Variants in DTX2 observed in about 807,000 individuals in gnomAD.
The protein encoded by DTX2 is deltex E3 ubiquitin ligase 2, also known as probable E3 ubiquitin-protein ligase DTX2.
A neutral mutation model predicts 55.3 loss-of-function variants in DTX2; 29 were observed. The ratio of observed to expected loss-of-function variants is 0.52; its 90% CI spans 0.39 to 0.71. DTX2 has a LOEUF of 0.71. Among genes scored for constraint, DTX2 ranks in the 30% least tolerant of loss-of-function variants. The pLI is 0.00. For missense variants in DTX2, 537 were observed against 822.5 expected (o/e 0.65, Z 4.25); for synonymous variants, 276 against 340.4 (o/e 0.81, Z 2.08).
chr7:76,463,366 ATTGT>A (rs1168075028), intron 1 of DTX2, 175 bp from the exon 2 acceptor site: 1 of 152,254 alleles, frequency 6.6e-6, no homozygotes, highest in African/African-American at 2.4e-5. Context: ...CATCTCCTTG[ATTGT>A]TAAGTGGGTG....
At chr7:76,471,569 C>G (rs1461539020) in intron 2 of DTX2, among the ~76,000 whole-genome samples, 3 of 150,712 alleles carry the variant, frequency 2.0e-5, no homozygotes, top group Non-Finnish European at 4.4e-5. Context: ...CGCTCTGTTG[C>G]CCAGGTTGGA....
At chr7:76,496,868 G>GGCA (rs1810956727) in intron 5 of DTX2, among the ~76,000 whole-genome samples, 1 of 102,706 alleles carries the variant, frequency 9.7e-6, no homozygotes, top group Non-Finnish European at 1.8e-5. Flanking sequence ...TGAAGGCCCT[G>GGCA]GCACCCAGAT....
At chr7:76,484,012 G>C (rs1584190845) in intron 4 of DTX2, among the ~76,000 whole-genome samples, 1 of 146,516 alleles carries the variant, frequency 6.8e-6, no homozygotes, top group Non-Finnish European at 1.5e-5. Context: ...AGCTGTGATC[G>C]CACCACTGCA....
chr7:76,471,145 T>A, intron 2 of DTX2: 1 of 641,744 alleles, frequency 1.6e-6, no homozygotes, highest in South Asian at 1.7e-5. Context: ...GATTTCTGGT[T>A]TCCATTCGTT....
At chr7:76,473,079 C>T (rs902297137) in intron 2 of DTX2, among the ~76,000 whole-genome samples, 5 of 152,042 alleles carry the variant, frequency 3.3e-5, no homozygotes, top group Non-Finnish European at 7.4e-5. Flanking sequence ...AATCCTCTTC[C>T]CTCCACCTCC....
chr7:76,468,063 G>A (rs1428735189), intron 2 of DTX2, among the ~76,000 whole-genome samples: 2 of 152,294 alleles, frequency 1.3e-5, no homozygotes, highest in Non-Finnish European at 2.9e-5. Flanking sequence ...GATCCGGGGG[G>A]AATGGAGAGA....
In DTX2 at chr7:76,505,681, A is replaced by T; in HGVS notation, c.*80A>T. 7.0e-7 allele frequency: 1 copy of T among 1,426,222 alleles called. No individual in the cohort carries two copies. Among genetic ancestry groups the T allele is most frequent in the Non-Finnish European group, 9.5e-7 (1 of 1,056,126 alleles). 88.3% of individuals were successfully genotyped at this position (1,426,222 alleles called of 1,614,324 possible). A position where few individuals can be genotyped will look rare whatever the true frequency, so the allele number is the denominator to read the frequency against. On this transcript the variant is annotated 3_prime_UTR_variant, in exon 11 of 11. Transcript: ENST00000430490. This position sits in a 1 kb window ranked among gnomAD's most constrained non-coding sequence, Gnocchi z 4.4. ...CTGGGTGGCCAGGCAGGAAGTGCCC[A>T]GCCCGAGAGGCTGGGAGGTTTGTTG...
At chr7:76,474,541 A>G (rs1808332510) in intron 2 of DTX2, 1 of 152,168 alleles carries the variant, frequency 6.6e-6, no homozygotes, top group African/African-American at 2.4e-5. Context: ...CATTCTGGTG[A>G]GGATTGAAGG....
In DTX2 at chr7:76,505,742, C is replaced by G. The variant is rs1812277682; in HGVS notation, c.*141C>G. The G allele has an allele frequency of 1.2e-6, 1 of 866,834 alleles. No homozygotes were observed. Among genetic ancestry groups the G allele is most frequent in the Non-Finnish European group, 1.8e-6 (1 of 566,300 alleles). The allele number at this position is 866,834 out of a possible 1,614,324, so 53.7% of individuals were successfully genotyped here. ...GTGTGCCCCACCTGAAGCCGGGGCT[C>G]CCCCTGCCTGCCTCTCTCTCCTCCT... is the stretch of plus-strand genomic sequence containing the variant. On this transcript the variant is annotated 3_prime_UTR_variant, in exon 11 of 11. Transcript: ENST00000430490. The surrounding 1 kb of genome is among the most constrained non-coding windows in gnomAD (Gnocchi z 4.4).
chr7:76,488,855 G>A (rs1326504448), intron 4 of DTX2, among the ~76,000 whole-genome samples: 3 of 85,370 alleles, frequency 3.5e-5, no homozygotes, highest in South Asian at 9.0e-4. Flanking sequence ...CCGAGATCAC[G>A]CCACTGCGCT....
rs143637084 is a variant in DTX2, at chr7:76,482,719, G to A, written c.480G>A (p.Thr160=). The A allele has an allele frequency of 3.9e-5, 63 of 1,613,690 alleles. No individual in the cohort carries two copies. The highest frequency in any genetic ancestry group is 5.0e-5 in the Non-Finnish European group (59 of 1,179,802). ...YNYTVNYTTH[T]QTNKTSSFCR... is the part of the protein sequence containing the mutation. ...ACACTGTCAACTACACCACCCACAC[G>A]CAGACCAACAAGACTTCCAGCTTCT... The change falls in exon 4 of 11, where the codon ACG becomes ACA. Residue 160 remains threonine, a synonymous_variant. Transcript: ENST00000430490.
chr7:76,505,859 G>A lies in DTX2; in HGVS notation c.*258G>A. On this transcript the variant is annotated 3_prime_UTR_variant, in exon 11 of 11. Transcript: ENST00000430490. This position sits in a 1 kb window ranked among gnomAD's most constrained non-coding sequence, Gnocchi z 4.4. ...TGCGCAGGGCCCGTCTGTCCTCTGG[G>A]GGCTGCTTCGGGCCCGCGGTGCTCG... The A allele has an allele frequency of 1.7e-6, 1 of 586,308 alleles. No individual in the cohort carries two copies. Among genetic ancestry groups the A allele is most frequent in the Non-Finnish European group, 3.1e-6 (1 of 327,312 alleles). 36.3% of individuals were successfully genotyped at this position (586,308 alleles called of 1,614,324 possible).
chr7:76,486,848 C>CGGCTGCTGA, intron 4 of DTX2, among the ~76,000 whole-genome samples: 1 of 63,300 alleles, frequency 1.6e-5, no homozygotes, highest in South Asian at 6.5e-4. Context: ...TTGTGGTGGG[C>CGGCTGCTGA]TGCTGCTGCT....
At chr7:76,479,709 C>G (rs1474708166) in intron 2 of DTX2, among the ~76,000 whole-genome samples, 1 of 150,966 alleles carries the variant, frequency 6.6e-6, no homozygotes, top group Non-Finnish European at 1.5e-5. Context: ...TGAACCTACC[C>G]GGGAGGTGGA....
chr7:76,503,946 C>T (rs1812034819), intron 9 of DTX2, among the ~76,000 whole-genome samples: 1 of 148,572 alleles, frequency 6.7e-6, no homozygotes. Context: ...GGGTGTGCGT[C>T]GAGGAACCTT....
At position 76,505,461 on chromosome 7, in the gene DTX2, G is replaced by T. The variant is rs1350421508; in HGVS notation, c.1729G>T (p.Val577Leu). 15 of 1,607,488 alleles carry T rather than the reference G, an allele frequency of 9.3e-6. No homozygotes were observed. The highest frequency in any genetic ancestry group is 1.3e-5 in the Non-Finnish European group (15 of 1,177,204). The change falls in exon 11 of 11, where the codon GTA (valine) becomes TTA (leucine). Residue 577 changes from valine to leucine, a missense_variant. Physicochemically the swap from Val to Leu is conservative, Grantham distance 32. Transcript: ENST00000430490. This position sits in a 1 kb window ranked among gnomAD's most constrained non-coding sequence, Gnocchi z 4.4. Reference protein sequence around the residue: ...SSTTGETDTVVWNEIHHKTEM... With the variant: ...SSTTGETDTVLWNEIHHKTEM... Reference sequence around the variant, plus strand: ...CACCACGGGTGAGACGGACACCGTGGTATGGAACGAGATCCACCACAAGAC... The same window carrying T: ...CACCACGGGTGAGACGGACACCGTGTTATGGAACGAGATCCACCACAAGAC...
At chr7:76,471,491 A>G (rs1223060188) in intron 2 of DTX2, among the ~76,000 whole-genome samples, 53 of 149,788 alleles carry the variant, frequency 3.5e-4, no homozygotes, top group African/African-American at 1.3e-3. Flanking sequence ...GGAGGAGCAA[A>G]GGGCTGTGTT....
At chr7:76,474,181 T>TTTTTTCTTTTTC (rs147079258) in intron 2 of DTX2, among the ~76,000 whole-genome samples, 8 of 146,702 alleles carry the variant, frequency 5.5e-5, no homozygotes, top group African/African-American at 1.0e-4. Flanking sequence ...GCCTACTTTT[T>TTTTTTCTTTTTC]TTTTTCTTTT....
chr7:76,480,232 G>A (rs1336208252), intron 2 of DTX2, among the ~76,000 whole-genome samples, 189 bp from the exon 3 acceptor site: 1 of 148,346 alleles, frequency 6.7e-6, no homozygotes, highest in African/African-American at 2.5e-5. Context: ...TTGAGACCAG[G>A]AGTTTGAGGC....
Sources: gnomAD v4.1 joint callset for allele counts (sites outside exome capture counted in the v4.1 genomes callset) on GRCh38, gnomAD v4.1.1 for gene constraint, Gnocchi (gnomAD v3.1) non-coding constraint, MANE v1.5 for transcripts, NCBI Gene and HGNC (gene_info 2026-07-23, HGNC 2026-07-21) for gene names.